The following NUF2 variants were observed in gnomAD, a reference collection of about 807,000 sequenced individuals.
The protein encoded by NUF2 is NUF2 component of NDC80 kinetochore complex.
In NUF2, 34 loss-of-function variants were observed where a neutral mutation model predicts 61.8. The ratio of observed to expected loss-of-function variants is 0.55; its 90% confidence interval spans 0.42 to 0.73. The LOEUF (loss-of-function observed/expected upper bound fraction) is 0.73, where lower values mean the gene tolerates loss of function less well. Among genes scored for constraint, NUF2 ranks in the 30% least tolerant of loss-of-function variants. The probability of loss-of-function intolerance (pLI) is 0.00; values close to 1 mark genes in which losing one functional copy is unlikely to be tolerated. For synonymous variants in NUF2, 172 were observed against 181.6 expected, an observed-to-expected ratio of 0.95 and a Z score of 0.42; for missense variants, 445 against 539.1, an observed-to-expected ratio of 0.83 and a Z score of 1.73.
intron 9 of NUF2, 147 bp downstream of exon 9, chr1:163,340,573 G>T: frequency 1.8e-6 from 1 of 558,282 alleles, no homozygotes; most frequent in Non-Finnish European, 3.1e-6. Flanking sequence ...TATAATAGAT[G>T]ACTATTGTTT....
At chr1:163,353,015 T>TA (rs1412783386) in intron 13 of NUF2, among the ~76,000 whole-genome samples, 1 of 152,224 alleles carries the variant, frequency 6.6e-6, no homozygotes, top group Non-Finnish European at 1.5e-5. Context: ...CTATTCCAAA[T>TA]AATCTGGATG....
rs956927793 is a variant in NUF2, at chr1:163,326,535, A to G, written c.123+361A>G. ...CTTATTCCAAGTGGTTTTCAACCAC[A>G]AAAAATGCTTAGAAATAATCCTCTT... is the stretch of plus-strand genomic sequence containing the variant. On this transcript the variant is annotated intron_variant, in intron 2 of 13. Coordinates refer to ENST00000271452, the MANE Select transcript of NUF2 (RefSeq NM_145697.3). Among the ~76,000 whole-genome samples the G allele has an allele frequency of 5.9e-5, 9 of 152,302 alleles. 1 individual carries two copies. The South Asian group carries it at 1.9e-3, about 32-fold the overall frequency.
intron 1 of NUF2, among the ~76,000 whole-genome samples, chr1:163,324,900 C>CTTTTTTT (rs67548511): frequency 8.1e-6 from 1 of 122,976 alleles, no homozygotes; most frequent in Non-Finnish European, 1.7e-5. Context: ...TCTTTTCTTT[C>CTTTTTTT]TTTTTTTTTT....
At chr1:163,332,852 C>A (rs952893648) in intron 5 of NUF2, among the ~76,000 whole-genome samples, 1 of 152,138 alleles carries the variant, frequency 6.6e-6, no homozygotes, top group Non-Finnish European at 1.5e-5. Flanking sequence ...ATAACATGCA[C>A]AAATTCCAAG....
intron 1 of NUF2, among the ~76,000 whole-genome samples, chr1:163,323,255 C>G (rs1479669128): frequency 2.0e-5 from 3 of 152,188 alleles, no homozygotes; most frequent in African/African-American, 2.4e-5. Flanking sequence ...GCAATACTCT[C>G]TAATTCAGAT....
chr1:163,324,053 G>C (rs1283663398), intron 1 of NUF2, among the ~76,000 whole-genome samples: 2 of 152,096 alleles, frequency 1.3e-5, no homozygotes, highest in African/African-American at 2.4e-5. Flanking sequence ...ATTTTAAGAA[G>C]ACATTTACAA....
chr1:163,327,121 C>A (rs761058395), intron 2 of NUF2, among the ~76,000 whole-genome samples: 25,446 of 150,436 alleles, frequency 0.17, 2,230 homozygotes, highest in Non-Finnish European at 0.19. Context: ...CACACACACA[C>A]ACACACACAC....
chr1:163,340,284 C>T, intron 8 of NUF2, 80 bp from the exon 9 acceptor site: 1 of 1,059,422 alleles, frequency 9.4e-7, no homozygotes, highest in Non-Finnish European at 1.4e-6. Flanking sequence ...CCTTTCTTAC[C>T]TTAATTTTAT....
chr1:163,330,503 T>A (rs1404532686), intron 5 of NUF2, among the ~76,000 whole-genome samples: 1 of 152,204 alleles, frequency 6.6e-6, no homozygotes, highest in South Asian at 2.1e-4. Context: ...GTGTTACTCC[T>A]CTTTCTTCAT....
Position 163,339,480 on chromosome 1 carries a change from A to G in NUF2, c.606+3A>G. The G allele has an allele frequency of 6.3e-7, 1 of 1,586,162 alleles. No homozygotes were observed. The highest frequency in any genetic ancestry group is 8.7e-7 in the Non-Finnish European group (1 of 1,155,502). ...ATCAGGATTTTCATCAAAAAACGGTATCTGTTGTGAGGCACCTTAAACTTT... is the reference window on the plus strand; with the variant it reads ...ATCAGGATTTTCATCAAAAAACGGTGTCTGTTGTGAGGCACCTTAAACTTT... On this transcript the variant is annotated splice_donor_region_variant and intron_variant, in intron 8 of 13. Coordinates refer to ENST00000271452, the MANE Select transcript of NUF2 (RefSeq NM_145697.3).
At chr1:163,353,478 G>T (rs1571404004) in intron 13 of NUF2, among the ~76,000 whole-genome samples, 1 of 152,228 alleles carries the variant, frequency 6.6e-6, no homozygotes, top group East Asian at 1.9e-4. Flanking sequence ...TGTGTGGCTG[G>T]TGCAACTGAG....
At chr1:163,348,491 C>T (rs556862440) in intron 12 of NUF2, among the ~76,000 whole-genome samples, 34 of 152,228 alleles carry the variant, frequency 2.2e-4, no homozygotes, top group African/African-American at 7.9e-4. Context: ...AAAGGTGCGT[C>T]AGAGATCATC....
chr1:163,328,536 T>A, intron 4 of NUF2: 1 of 497,674 alleles, frequency 2.0e-6, no homozygotes, highest in East Asian at 3.2e-5. Context: ...ATACTGTAAG[T>A]CGAAAATTGT....
chr1:163,350,286 A>C (rs1317030593), intron 13 of NUF2, among the ~76,000 whole-genome samples: 1 of 151,610 alleles, frequency 6.6e-6, no homozygotes, highest in Non-Finnish European at 1.5e-5. Flanking sequence ...TGGGCGACAG[A>C]GCAAGACTCC....
At chr1:163,332,430 A>G (rs1032252295) in intron 5 of NUF2, among the ~76,000 whole-genome samples, 1 of 152,138 alleles carries the variant, frequency 6.6e-6, no homozygotes, top group Non-Finnish European at 1.5e-5. Flanking sequence ...GGTGGCTGTA[A>G]TAAATCACCA....
At chr1:163,352,693 C>T (rs928495539) in intron 13 of NUF2, among the ~76,000 whole-genome samples, 24 of 152,076 alleles carry the variant, frequency 1.6e-4, no homozygotes, top group Non-Finnish European at 3.2e-4. Flanking sequence ...AGTGAAACCC[C>T]GTCTCTACTA....
At chr1:163,354,057 A>T (rs1287150225) in intron 13 of NUF2, among the ~76,000 whole-genome samples, 1 of 152,210 alleles carries the variant, frequency 6.6e-6, no homozygotes, top group Non-Finnish European at 1.5e-5. Flanking sequence ...ATATACCCCT[A>T]TAGAGCTAGA....
At chr1:163,353,416 T>C (rs994074080) in intron 13 of NUF2, among the ~76,000 whole-genome samples, 2 of 152,258 alleles carry the variant, frequency 1.3e-5, no homozygotes, top group Admixed American at 6.5e-5. Flanking sequence ...AATGTTCTTC[T>C]GTATTGCTGA....
intron 7 of NUF2, 144 bp downstream of exon 7, chr1:163,338,237 TAAA>T (rs11330875): frequency 1.1e-3 from 410 of 370,770 alleles, no homozygotes; most frequent in East Asian, 3.2e-3. Context: ...TGCCTTTTCT[TAAA>T]AAAAAAAAAA....
Sources: gnomAD v4.1 joint callset for allele counts (sites outside exome capture counted in the v4.1 genomes callset) on GRCh38, gnomAD v4.1.1 for gene constraint, MANE v1.5 for transcripts, NCBI Gene and HGNC (gene_info 2026-07-23, HGNC 2026-07-21) for gene names.